Variants in WHRN observed in about 807,000 individuals in gnomAD.
WHRN encodes whirlin, also known as CASK-interacting protein CIP98.
Under a neutral mutation model 68.3 loss-of-function variants are expected in WHRN, and 41 were observed. That is an observed-to-expected ratio of 0.60 (90% CI 0.47 to 0.78). The LOEUF (loss-of-function observed/expected upper bound fraction) is 0.78, where lower values mean the gene tolerates loss of function less well. Ranked by LOEUF, WHRN falls within the 30% of genes least tolerant of loss-of-function variation. The pLI is 0.00. For synonymous variants in WHRN, 560 were observed against 561.3 expected (o/e 1.00, Z 0.03); for missense variants, 1,243 against 1,244.7 (o/e 1.00, Z 0.02).
In WHRN at chr9:114,403,268, G is replaced by A. The variant is rs1439979867; in HGVS notation, c.2490C>T (p.Ile830=). 9 of 1,614,152 alleles carry A rather than the reference G, an allele frequency of 5.6e-6. No individual in the cohort carries two copies. The highest frequency in any genetic ancestry group is 1.6e-4 in the Middle Eastern group (1 of 6,062). The change falls in exon 11 of 12, where the codon ATC becomes ATT. Residue 830 remains isoleucine (I), a synonymous_variant. Coordinates refer to ENST00000362057, the MANE Select transcript of WHRN (RefSeq NM_015404.4). The part of the protein sequence containing the change: ...KKSAATLGIA[I]EGGANTRQPL... ...GCTGGCGGGTGTTGGCGCCACCCTC[G>A]ATGGCGATGCCCAGGGTGGCCGCAC...
In WHRN at chr9:114,403,992, G is replaced by T; in HGVS notation, c.2322C>A (p.Ser774Arg). 1 of 1,612,592 alleles carries T rather than the reference G, an allele frequency of 6.2e-7. No homozygotes were observed. Residue 774 changes from serine to arginine, a missense_variant, in exon 10 of 12, where the codon AGC (serine) becomes AGA (arginine). Physicochemically the swap from Ser to Arg is moderately radical, Grantham distance 110. Coordinates refer to ENST00000362057, the MANE Select transcript of WHRN (RefSeq NM_015404.4). ...CCGACTGCCTTCCTCGGCCTGGGGC[G>T]CTGGCCTCTGCCTCGCCAGCATCCA... ...SGVDAGEAEA[S>R]APGRGRQSVS...
chr9:114,503,248 C>T, intron 1 of WHRN: 1 of 949,240 alleles, frequency 1.1e-6, no homozygotes, highest in Non-Finnish European at 1.3e-6. Context: ...CAGAACAGTC[C>T]AACCCCCTGA....
chr9:114,435,033 C>G (rs1837730012), intron 3 of WHRN, among the ~76,000 whole-genome samples: 1 of 152,172 alleles, frequency 6.6e-6, no homozygotes, highest in African/African-American at 2.4e-5. Context: ...CCCTTCATTC[C>G]TCACCTGGAT....
chr9:114,414,911 G>A (rs553270258), intron 7 of WHRN, among the ~76,000 whole-genome samples: 9 of 152,270 alleles, frequency 5.9e-5, no homozygotes, highest in Non-Finnish European at 1.0e-4. Context: ...GGGGACAGGA[G>A]GTCATCTGGA....
intron 3 of WHRN, among the ~76,000 whole-genome samples, chr9:114,442,352 A>C (rs990812367): frequency 6.6e-6 from 1 of 152,206 alleles, no homozygotes; most frequent in Non-Finnish European, 1.5e-5. Flanking sequence ...TGATTATGTT[A>C]AGTGAATGTC....
At chr9:114,461,102 A>G (rs748433368) in intron 3 of WHRN, among the ~76,000 whole-genome samples, 20 of 152,240 alleles carry the variant, frequency 1.3e-4, no homozygotes, top group Non-Finnish European at 2.5e-4. Context: ...ATGAGCAAAT[A>G]AAGCCTTTGA....
intron 1 of WHRN, among the ~76,000 whole-genome samples, chr9:114,482,602 G>A (rs570399438): frequency 4.6e-5 from 7 of 152,120 alleles, no homozygotes; most frequent in Admixed American, 4.6e-4. Context: ...TCAGCAAATG[G>A]CAGAGCCCAC....
At chr9:114,439,853 C>A (rs1838214544) in intron 3 of WHRN, among the ~76,000 whole-genome samples, 1 of 152,170 alleles carries the variant, frequency 6.6e-6, no homozygotes, top group South Asian at 2.1e-4. Context: ...GTCATGAATG[C>A]ATAAAATATG....
At position 114,406,690 on chromosome 9, in the gene WHRN, G is replaced by A. The variant is rs1316157132; in HGVS notation, c.1901C>T (p.Ala634Val). 1 of 1,613,942 alleles carries A rather than the reference G, an allele frequency of 6.2e-7. No individual in the cohort carries two copies. The highest frequency in any genetic ancestry group is 8.5e-7 in the Non-Finnish European group (1 of 1,180,032). Residue 634 changes from alanine to valine, a missense_variant, in exon 9 of 12, where the codon GCA becomes GTA. Ala to Val is a moderately conservative substitution (Grantham distance 64). Coordinates refer to ENST00000362057, the MANE Select transcript of WHRN (RefSeq NM_015404.4). ...TGCAGAGGAGGTCCCTGGGGTGGGT[G>A]CGGTGCCCGCTGGCGGGCTGCGGTT... The part of the protein sequence containing the change: ...PQNRSPPAGT[A>V]PTPGTSSAQD...
Position 114,504,873 on chromosome 9 carries a change from G to C in WHRN, c.-72C>G. ...GGTGCCGCTGTCCTCGCGGGTACTG[G>C]CGCGACAGCTGGATCCCCGGGAGCG... On this transcript the variant is annotated 5_prime_UTR_variant, in exon 1 of 12. Coordinates refer to ENST00000362057, the MANE Select transcript of WHRN (RefSeq NM_015404.4). 1 of 1,334,990 alleles carries C rather than the reference G, an allele frequency of 7.5e-7. No homozygotes were observed. The highest frequency in any genetic ancestry group is 9.5e-7 in the Non-Finnish European group (1 of 1,052,050). The allele number at this position is 1,334,990 out of a possible 1,614,324, so 82.7% of individuals were successfully genotyped here. A position where few individuals can be genotyped will look rare whatever the true frequency, so the allele number is the denominator to read the frequency against.
chr9:114,408,064 G>C, intron 7 of WHRN, 46 bp from the exon 8 acceptor site: 1 of 1,504,230 alleles, frequency 6.6e-7, no homozygotes, highest in Non-Finnish European at 9.1e-7. Context: ...AAGCTGAGAA[G>C]GGAACACTGG....
chr9:114,472,154 G>A (rs1179263862), intron 2 of WHRN, among the ~76,000 whole-genome samples: 3 of 152,206 alleles, frequency 2.0e-5, no homozygotes, highest in African/African-American at 7.2e-5. Flanking sequence ...GGATGCGTGG[G>A]CTCCCAACTT....
At chr9:114,419,347 C>G (rs1440433863) in intron 7 of WHRN, among the ~76,000 whole-genome samples, 1 of 152,250 alleles carries the variant, frequency 6.6e-6, no homozygotes, top group Non-Finnish European at 1.5e-5. Context: ...TTCAACAAAT[C>G]TCAGCCACTA....
rs1836839771 is a variant in WHRN, at chr9:114,426,214, G to A, written c.1163C>T (p.Ala388Val). The A allele has an allele frequency of 6.2e-7, 1 of 1,612,172 alleles. No individual in the cohort carries two copies. The highest frequency in any genetic ancestry group is 8.5e-7 in the Non-Finnish European group (1 of 1,180,028). The change falls in exon 4 of 12, where the codon GCA becomes GTA. Residue 388 changes from alanine to valine, a missense_variant. Coordinates refer to ENST00000362057, the MANE Select transcript of WHRN (RefSeq NM_015404.4). ...GGAGCGAGCAGAGTGGCCAGACCCT[G>A]CCGAGTTCGCCATGGTCTCCCTGAT... ...SRIRETMANSAGFLGDLTTEG... is the reference protein window; with the variant it reads ...SRIRETMANSVGFLGDLTTEG...
intron 3 of WHRN, among the ~76,000 whole-genome samples, chr9:114,450,665 A>G (rs1386628571): frequency 6.6e-6 from 1 of 152,192 alleles, no homozygotes; most frequent in Non-Finnish European, 1.5e-5. Flanking sequence ...ATGTCCCAAG[A>G]GGTATTATTA....
intron 2 of WHRN, among the ~76,000 whole-genome samples, chr9:114,469,115 G>A (rs534449225): frequency 2.1e-4 from 32 of 152,172 alleles, no homozygotes; most frequent in Non-Finnish European, 4.0e-4. Context: ...TGTAGAGTGC[G>A]TAGGGTCGTG....
chr9:114,485,726 T>G (rs1446775467), intron 1 of WHRN, among the ~76,000 whole-genome samples: 2 of 142,528 alleles, frequency 1.4e-5, no homozygotes, highest in Non-Finnish European at 3.1e-5. Context: ...AATTGTTGCC[T>G]GGGCACAGCA....
intron 7 of WHRN, among the ~76,000 whole-genome samples, chr9:114,421,415 G>A (rs1300424157): frequency 1.3e-5 from 2 of 152,200 alleles, no homozygotes; most frequent in Non-Finnish European, 2.9e-5. Flanking sequence ...TGCCCTCAGG[G>A]CTTCGGGCTG....
chr9:114,429,727 G>A (rs781357877), intron 3 of WHRN, among the ~76,000 whole-genome samples: 8 of 152,152 alleles, frequency 5.3e-5, no homozygotes, highest in Non-Finnish European at 1.2e-4. Context: ...TGTGGATACT[G>A]CCCTTCCCTA....
Sources: gnomAD v4.1 joint callset for allele counts (sites outside exome capture counted in the v4.1 genomes callset) on GRCh38, gnomAD v4.1.1 for gene constraint, MANE v1.5 for transcripts, NCBI Gene and HGNC (gene_info 2026-07-23, HGNC 2026-07-21) for gene names.